Variants in CBX7 observed in about 807,000 individuals in gnomAD.
CBX7 encodes the protein chromobox 7, also known as chromobox protein homolog 7.
In CBX7, 14 loss-of-function variants were observed where a neutral mutation model predicts 31.4. The ratio of observed to expected loss-of-function variants is 0.45; its 90% confidence interval spans 0.29 to 0.70. The LOEUF (loss-of-function observed/expected upper bound fraction) is 0.70. CBX7 is among the 30% of genes least tolerant of loss of function. The pLI is 0.11. For missense variants in CBX7, 269 were observed against 351.9 expected (o/e 0.76, Z 1.89); for synonymous variants, 159 against 152.6 (o/e 1.04, Z -0.31).
intron 2 of CBX7, among the ~76,000 whole-genome samples, chr22:39,144,618 C>A (rs1183194396): frequency 6.6e-6 from 1 of 152,142 alleles, no homozygotes; most frequent in East Asian, 1.9e-4. Flanking sequence ...AACCCTTCCT[C>A]CCCCCGGAAA....
chr22:39,133,812 G>A lies in CBX7; in HGVS notation c.*79C>T, dbSNP rs55779697. The A allele has an allele frequency of 0.033, 42,108 of 1,284,726 alleles. 853 individuals carry two copies. Among genetic ancestry groups the A allele is most frequent in the Non-Finnish European group, 0.036 (34,071 of 950,164 alleles). 79.6% of individuals were successfully genotyped at this position (1,284,726 alleles called of 1,614,324 possible). A position where few individuals can be genotyped will look rare whatever the true frequency, so the allele number is the denominator to read the frequency against. On this transcript the variant is annotated 3_prime_UTR_variant, in exon 6 of 6. Coordinates refer to ENST00000216133, the MANE Select transcript of CBX7 (RefSeq NM_175709.5). ...TTTTTTTAAATAAAATAATTACCCC[G>A]CCCCCAACCCATCCCTATCTCTGGA...
rs17000767 is a variant in CBX7, at chr22:39,131,402, A to C, written c.*2489T>G. On this transcript the variant is annotated 3_prime_UTR_variant, in exon 6 of 6. Coordinates refer to ENST00000216133, the MANE Select transcript of CBX7 (RefSeq NM_175709.5). ...TGGAGGTCACTGTCTGCCTTGCTCT[A>C]CTGGGCCACTCTGGGCTGGAAGGAG... The C allele has an allele frequency of 6.5e-6, 1 of 152,830 alleles. No homozygotes were observed. Among genetic ancestry groups the C allele is most frequent in the East Asian group, 1.9e-4 (1 of 5,174 alleles). The allele number at this position is 152,830 out of a possible 1,614,324, so 9.5% of individuals were successfully genotyped here. A position where few individuals can be genotyped will look rare whatever the true frequency, so the allele number is the denominator to read the frequency against.
intron 1 of CBX7, among the ~76,000 whole-genome samples, chr22:39,150,446 A>G (rs1037520422): frequency 5.3e-5 from 8 of 152,156 alleles, no homozygotes; most frequent in Non-Finnish European, 1.2e-4. Flanking sequence ...GTTGTTAGAA[A>G]GTAGAGCCAG....
At chr22:39,145,073 A>C (rs1432227589) in intron 2 of CBX7, among the ~76,000 whole-genome samples, 1 of 152,062 alleles carries the variant, frequency 6.6e-6, no homozygotes, top group Non-Finnish European at 1.5e-5. Flanking sequence ...CCCCCTCTCC[A>C]GTCCTCAGTG....
rs1930897476 is a variant in CBX7, at chr22:39,152,472, G to A, written c.-28C>T. ...GGGGCGGCGGGCGAGCGGGCCCGGG[G>A]CCGGGCCGGGCCGGGGGCGGAGCTG... On this transcript the variant is annotated 5_prime_UTR_variant, in exon 1 of 6. Transcript: ENST00000216133. This position sits in a 1 kb window ranked among gnomAD's most constrained non-coding sequence, Gnocchi z 4.9. 5 of 992,946 alleles carry A rather than the reference G, an allele frequency of 5.0e-6. No individual in the cohort carries two copies. In the East Asian group the frequency reaches 3.4e-4, roughly 67 times the overall value. 61.5% of individuals were successfully genotyped at this position (992,946 alleles called of 1,614,324 possible).
At chr22:39,138,170 G>A (rs541384816) in intron 4 of CBX7, among the ~76,000 whole-genome samples, 14 of 141,964 alleles carry the variant, frequency 9.9e-5, no homozygotes, top group Non-Finnish European at 1.5e-4. Context: ...GCGACAGAGC[G>A]AGACTCCGTC....
chr22:39,139,281 CA>C (rs1330842057), intron 3 of CBX7, among the ~76,000 whole-genome samples: 1 of 152,156 alleles, frequency 6.6e-6, no homozygotes, highest in East Asian at 1.9e-4. Flanking sequence ...TCCCATGTAT[CA>C]AAAACACAAA....
intron 4 of CBX7, chr22:39,135,103 A>G (rs1185474083): frequency 8.5e-6 from 2 of 236,640 alleles, no homozygotes; most frequent in African/African-American, 4.5e-5. Flanking sequence ...GTTTTAGGAA[A>G]GGCATCTTTG....
Position 39,149,774 on chromosome 22 carries a change from C to CA in CBX7, c.113+14dup, listed in dbSNP as rs763279407. The CA allele has an allele frequency of 3.0e-5, 49 of 1,613,072 alleles. No homozygotes were observed. The highest frequency in any genetic ancestry group is 1.6e-4 in the Middle Eastern group (1 of 6,084). On this transcript the variant is annotated intron_variant, in intron 2 of 5. Coordinates refer to ENST00000216133, the MANE Select transcript of CBX7 (RefSeq NM_175709.5). ...GTAGGCAGACAGACAGACACACACA[C>CA]ATGAAGGAGCTTACTTTGGGGGCCA... is the stretch of plus-strand genomic sequence containing the variant.
chr22:39,141,322 C>A (rs775710182), intron 3 of CBX7, 49 bp downstream of exon 3: 7 of 1,542,388 alleles, frequency 4.5e-6, no homozygotes, highest in East Asian at 4.6e-5. Context: ...TCCTGGGAAG[C>A]CTCTGAGCCG....
chr22:39,140,074 T>A (rs992715682), intron 3 of CBX7, among the ~76,000 whole-genome samples: 3 of 152,174 alleles, frequency 2.0e-5, no homozygotes, highest in Non-Finnish European at 4.4e-5. Context: ...GTTCTTTCCA[T>A]CCACACTCTC....
rs916159809 is a variant in CBX7, at chr22:39,149,652, G to C, written c.113+137C>G. ...GAAACTGAGGCCCAGAGAAGATGAT[G>C]ATTAAATCAAGGTCAGCTGTCCAGT... On this transcript the variant is annotated intron_variant, in intron 2 of 5. Transcript: ENST00000216133. The C allele has an allele frequency of 2.5e-5, 19 of 754,878 alleles. No individual in the cohort carries two copies. The South Asian group carries it at 2.8e-4, about 11-fold the overall frequency. 46.8% of individuals were successfully genotyped at this position (754,878 alleles called of 1,614,324 possible). A position where few individuals can be genotyped will look rare whatever the true frequency, so the allele number is the denominator to read the frequency against.
chr22:39,134,908 C>A, intron 4 of CBX7, 156 bp from the exon 5 acceptor site: 1 of 608,812 alleles, frequency 1.6e-6, no homozygotes, highest in Admixed American at 3.1e-5. Context: ...CCCACCCCAC[C>A]CCAGCCCAGA....
intron 3 of CBX7, 92 bp downstream of exon 3, chr22:39,141,279 G>A (rs113562803): frequency 1.3e-5 from 15 of 1,136,488 alleles, no homozygotes; most frequent in African/African-American, 3.1e-5. Flanking sequence ...CCCCTGCCCT[G>A]CCCCAACAAC....
At chr22:39,138,776 G>T in intron 3 of CBX7, 74 bp from the exon 4 acceptor site, 1 of 1,369,650 alleles carries the variant, frequency 7.3e-7, no homozygotes. Flanking sequence ...CATCCGCTTC[G>T]CCCGCCCTCT....
chr22:39,143,808 T>C (rs1286616695), intron 2 of CBX7, among the ~76,000 whole-genome samples: 1 of 152,106 alleles, frequency 6.6e-6, no homozygotes. Context: ...GCAGACTCTA[T>C]TACACAGCCC....
chr22:39,147,130 G>A (rs2143365), intron 2 of CBX7: 1 of 132,748 alleles, frequency 7.5e-6, no homozygotes, highest in Non-Finnish European at 1.5e-5. Flanking sequence ...GGGGGACGGC[G>A]TCTCACTGTG....
At chr22:39,136,091 GAAAAAAAAAAAA>G (rs926759863) in intron 4 of CBX7, 1 of 107,460 alleles carries the variant, frequency 9.3e-6, no homozygotes, top group Non-Finnish European at 2.0e-5. Context: ...CTCTGTCTGG[GAAAAAAAAAAAA>G]AAAAAAAAAG....
At chr22:39,149,597 AC>A in intron 2 of CBX7, 191 bp downstream of exon 2, 1 of 601,368 alleles carries the variant, frequency 1.7e-6, no homozygotes, top group Admixed American at 2.9e-5. Context: ...GAAGCTGGAG[AC>A]CCACCTTGAC....
Sources: gnomAD v4.1 joint callset for allele counts (sites outside exome capture counted in the v4.1 genomes callset) on GRCh38, gnomAD v4.1.1 for gene constraint, Gnocchi (gnomAD v3.1) non-coding constraint, MANE v1.5 for transcripts, NCBI Gene and HGNC (gene_info 2026-07-23, HGNC 2026-07-21) for gene names.